Variants in PARD3 observed in about 807,000 individuals in gnomAD.
PARD3 encodes the protein par-3 family cell polarity regulator, also known as partitioning defective 3 homolog.
In PARD3, 75 loss-of-function variants were observed where a neutral mutation model predicts 155.4. That is an observed-to-expected ratio of 0.48 (90% CI 0.40 to 0.58). The LOEUF (loss-of-function observed/expected upper bound fraction) is 0.58. PARD3 is among the 20% of genes least tolerant of loss of function. The pLI is 0.00. For missense variants in PARD3, 1,642 were observed against 1,721.7 expected (o/e 0.95, Z 0.82); for synonymous variants, 576 against 610.5 (o/e 0.94, Z 0.83).
At chr10:34,548,318 A>G (rs1304391245) in intron 2 of PARD3, among the ~76,000 whole-genome samples, 1 of 151,902 alleles carries the variant, frequency 6.6e-6, no homozygotes. Flanking sequence ...GCAAAACCCT[A>G]ACTCTACTAA....
chr10:34,374,823 C>A, intron 11 of PARD3, 51 bp downstream of exon 11: 3 of 1,588,166 alleles, frequency 1.9e-6, no homozygotes, highest in Non-Finnish European at 1.7e-6. Flanking sequence ...CTAACCCAGA[C>A]CCCTGGCTGC....
chr10:34,233,017 A>ATTTTTTTTTTTTTTTTTT (rs3039283), intron 22 of PARD3, among the ~76,000 whole-genome samples: 1 of 96,194 alleles, frequency 1.0e-5, no homozygotes, highest in African/African-American at 4.4e-5. Context: ...TCAAATGTTA[A>ATTTTTTTTTTTTTTTTTT]TTTTTTTTTT....
At chr10:34,338,350 G>T (rs1262913404) in intron 16 of PARD3, among the ~76,000 whole-genome samples, 1 of 152,208 alleles carries the variant, frequency 6.6e-6, no homozygotes, top group East Asian at 1.9e-4. Context: ...ATTCTAAAGT[G>T]CTATAAGGTG....
chr10:34,280,506 G>C (rs147698892), intron 21 of PARD3, among the ~76,000 whole-genome samples: 1 of 152,200 alleles, frequency 6.6e-6, no homozygotes, highest in Admixed American at 6.5e-5. Context: ...AAACAAGTGA[G>C]AAAGGTGGGA....
chr10:34,309,547 C>CAAAAAAAAAAAAA lies in PARD3; in HGVS notation c.3065+7559_3065+7560insTTTTTTTTTTTTT, dbSNP rs1323865538. ...ACTCCTGCTGAGCAAGACCCTGTCT[C>CAAAAAAAAAAAAA]CAAAAAAAAAAAAAAAAAAAAAAAA... On this transcript the variant is annotated intron_variant, in intron 20 of 24. Transcript: ENST00000374788. Among the ~76,000 whole-genome samples, 4 of 46,648 alleles carry CAAAAAAAAAAAAA rather than the reference C, an allele frequency of 8.6e-5. No homozygotes were observed. The Admixed American group carries it at 9.0e-4, about 10-fold the overall frequency. The allele number at this position is 46,648 out of a possible 152,430, so 30.6% of individuals were successfully genotyped here.
chr10:34,240,181 G>A (rs1953490887), intron 22 of PARD3, among the ~76,000 whole-genome samples: 1 of 152,176 alleles, frequency 6.6e-6, no homozygotes, highest in African/African-American at 2.4e-5. Flanking sequence ...TAAAATGAAA[G>A]ATCATGCAGC....
At chr10:34,252,861 CAT>C (rs1226908931) in intron 22 of PARD3, among the ~76,000 whole-genome samples, 10 of 151,874 alleles carry the variant, frequency 6.6e-5, no homozygotes, top group African/African-American at 2.2e-4. Context: ...TAAAGGAAAT[CAT>C]AGTGAACGAT....
In PARD3 at chr10:34,428,302, T is replaced by A. The variant is rs150720211; in HGVS notation, c.714+22015A>T. ...AAGAGACAATGCAAAGAGCCCAACATAACTAAAAGCTCTTCATCTACTCAC... is the reference window on the plus strand; with the variant it reads ...AAGAGACAATGCAAAGAGCCCAACAAAACTAAAAGCTCTTCATCTACTCAC... On this transcript the variant is annotated intron_variant, in intron 5 of 24. Transcript: ENST00000374788. Among the ~76,000 whole-genome samples the A allele has an allele frequency of 4.2e-4, 64 of 152,294 alleles. No individual in the cohort carries two copies. In the East Asian group the frequency reaches 0.012, roughly 28 times the overall value.
chr10:34,548,107 G>A (rs1018065514), intron 2 of PARD3, among the ~76,000 whole-genome samples: 10 of 152,098 alleles, frequency 6.6e-5, no homozygotes, highest in African/African-American at 2.4e-4. Flanking sequence ...ATTAATCCAG[G>A]AAACTCCATT....
chr10:34,290,071 T>C (rs1231978443), intron 20 of PARD3, among the ~76,000 whole-genome samples: 3 of 152,226 alleles, frequency 2.0e-5, no homozygotes, highest in Admixed American at 6.5e-5. Context: ...ATGAATACTA[T>C]TGAAATATTT....
Position 34,382,704 on chromosome 10 carries a change from G to A in PARD3, c.1235C>T (p.Pro412Leu). The A allele has an allele frequency of 6.2e-7, 1 of 1,614,178 alleles. No homozygotes were observed. The highest frequency in any genetic ancestry group is 1.1e-5 in the South Asian group (1 of 91,072). The stretch of plus-strand genomic sequence containing the variant: ...TCTTGAGTGAGAGTCTATCTGCTCA[G>A]GCGGGTGGTTCAGTCGGGGTGCTCT... ...VQRAPRLNHPPEQIDSHSRLP... is the reference protein window; with the variant it reads ...VQRAPRLNHPLEQIDSHSRLP... The change falls in exon 9 of 25, where the codon CCT becomes CTT. Residue 412 changes from proline to leucine, a missense_variant. Around this residue, in one of 3 missense-constraint regions of PARD3, gnomAD observed 1,529 missense variants for 1,587.3 expected, o/e 0.96. Transcript: ENST00000374788.
chr10:34,559,181 T>G (rs1490137205), intron 2 of PARD3, among the ~76,000 whole-genome samples: 2 of 152,130 alleles, frequency 1.3e-5, no homozygotes, highest in Non-Finnish European at 2.9e-5. Context: ...CTTAGTTAAT[T>G]GCGGACGTGT....
At chr10:34,113,995 G>T (rs1946534955) in intron 24 of PARD3, among the ~76,000 whole-genome samples, 1 of 152,200 alleles carries the variant, frequency 6.6e-6, no homozygotes, top group Non-Finnish European at 1.5e-5. Context: ...GGTGGCTCAG[G>T]CCTGTAATCT....
At chr10:34,769,382 A>G (rs1050498330) in intron 1 of PARD3, among the ~76,000 whole-genome samples, 1 of 152,096 alleles carries the variant, frequency 6.6e-6, no homozygotes, top group East Asian at 1.9e-4. Flanking sequence ...AAAACTGAAC[A>G]CCAAATCGAC....
intron 1 of PARD3, among the ~76,000 whole-genome samples, chr10:34,810,859 T>C (rs1844057134): frequency 6.6e-6 from 1 of 152,172 alleles, no homozygotes; most frequent in Admixed American, 6.5e-5. Context: ...CCACTTGAGA[T>C]AATGGGGCTC....
chr10:34,401,799 A>G (rs1405258338), intron 6 of PARD3, 27 bp downstream of exon 6: 1 of 1,425,788 alleles, frequency 7.0e-7, no homozygotes, highest in East Asian at 2.3e-5. Flanking sequence ...TATACTGCAA[A>G]CTTAGTTGAA....
rs373928238 is a variant in PARD3, at chr10:34,269,203, C to A, written c.3419+454G>T. On this transcript the variant is annotated intron_variant, in intron 22 of 24. Transcript: ENST00000374788. The stretch of plus-strand genomic sequence containing the variant: ...TATACTATATTATTCTTCTCATTTA[C>A]CGATTCTTTCATAATATAAAGTTAT... Among the ~76,000 whole-genome samples, 62 of 152,154 alleles carry A rather than the reference C, an allele frequency of 4.1e-4. 1 individual carries two copies. In the South Asian group the frequency reaches 0.012, roughly 30 times the overall value.
chr10:34,562,253 A>G (rs138386620), intron 2 of PARD3, among the ~76,000 whole-genome samples: 4,391 of 151,456 alleles, frequency 0.029, 219 homozygotes, highest in African/African-American at 0.1. Context: ...CCTGGTCAAC[A>G]TGGTGAAACC....
At chr10:34,800,994 CT>C (rs1842795815) in intron 1 of PARD3, among the ~76,000 whole-genome samples, 1 of 152,194 alleles carries the variant, frequency 6.6e-6, no homozygotes, top group Non-Finnish European at 1.5e-5. Flanking sequence ...AAAATCCCCC[CT>C]ATCAAAACAC....
Sources: gnomAD v4.1 joint callset for allele counts (sites outside exome capture counted in the v4.1 genomes callset) on GRCh38, gnomAD v4.1.1 for gene constraint, gnomAD v4.1.1 regional missense constraint, MANE v1.5 for transcripts, NCBI Gene and HGNC (gene_info 2026-07-23, HGNC 2026-07-21) for gene names.